Variants in LYST observed in about 807,000 individuals in gnomAD.
LYST encodes lysosomal trafficking regulator, also known as lysosomal-trafficking regulator.
In LYST, 192 loss-of-function variants were observed where a neutral mutation model predicts 413.6. That is an observed-to-expected ratio of 0.46 (90% CI 0.41 to 0.52). The LOEUF (loss-of-function observed/expected upper bound fraction) is 0.52. LYST is among the 20% of genes least tolerant of loss of function. LYST has a pLI of 0.00. For missense variants in LYST, 3,815 were observed against 4,499.9 expected (o/e 0.85, Z 4.35); for synonymous variants, 1,525 against 1,567.3 (o/e 0.97, Z 0.64).
chr1:235,852,487 G>T (rs867461122), intron 1 of LYST, among the ~76,000 whole-genome samples: 6 of 152,166 alleles, frequency 3.9e-5, no homozygotes, highest in Non-Finnish European at 8.8e-5. Context: ...TTTTCCCGGG[G>T]AAGTCTCACA....
intron 20 of LYST, among the ~76,000 whole-genome samples, chr1:235,768,951 T>C (rs193056122): frequency 1.6e-4 from 24 of 152,232 alleles, no homozygotes; most frequent in African/African-American, 5.8e-4. Flanking sequence ...TTTTTGGAAT[T>C]CATTCATTTA....
At chr1:235,796,968 C>CAT (rs1209179469) in intron 10 of LYST, among the ~76,000 whole-genome samples, 1 of 152,068 alleles carries the variant, frequency 6.6e-6, no homozygotes, top group Admixed American at 6.6e-5. Flanking sequence ...ATTAAAAAGG[C>CAT]ATATAATAAC....
chr1:235,877,704 C>T (rs1681202006), intron 1 of LYST, among the ~76,000 whole-genome samples: 1 of 152,188 alleles, frequency 6.6e-6, no homozygotes, highest in Non-Finnish European at 1.5e-5. Context: ...CCGCGCCTGG[C>T]CGGTCAACTT....
At chr1:235,796,469 A>C (rs898927478) in intron 10 of LYST, among the ~76,000 whole-genome samples, 8 of 152,256 alleles carry the variant, frequency 5.3e-5, no homozygotes, top group African/African-American at 1.9e-4. Context: ...GGATTTGGAT[A>C]GGCATTTCTC....
intron 22 of LYST, among the ~76,000 whole-genome samples, chr1:235,761,194 A>G (rs910756783): frequency 6.6e-6 from 1 of 152,216 alleles, no homozygotes; most frequent in Admixed American, 6.5e-5. Context: ...AATAACTGAA[A>G]CACTTTGGCA....
chr1:235,845,311 G>C (rs1349227228), intron 1 of LYST, among the ~76,000 whole-genome samples: 3 of 152,168 alleles, frequency 2.0e-5, no homozygotes. Flanking sequence ...TACAGGGGTA[G>C]AGAATGCAGC....
In LYST at chr1:235,828,969, C is replaced by T. The variant is rs1027039530; in HGVS notation, c.192+1257G>A. 4.6e-4 allele frequency: 140 copies of T among 305,820 alleles called. 1 individual carries two copies. The highest frequency in any genetic ancestry group is 2.9e-3 in the African/African-American group (130 of 44,220). The allele number at this position is 305,820 out of a possible 1,614,324, so 18.9% of individuals were successfully genotyped here. ...CCTGTAATCCCAGCACTTTGGGAGG[C>T]CAACGGGGGTAGACTGCTTGAGGTC... On this transcript the variant is annotated intron_variant, in intron 3 of 52. Transcript: ENST00000389793.
Position 235,746,452 on chromosome 1 carries a change from T to C in LYST, c.7856A>G (p.His2619Arg), listed in dbSNP as rs753997952. Residue 2619 changes from histidine to arginine, a missense_variant, in exon 29 of 53, where the codon CAT becomes CGT. Coordinates refer to ENST00000389793, the MANE Select transcript of LYST (RefSeq NM_000081.4). ...KMRSVANDEL[H>R]VMMQRRMSQE... ...GCTCATTCTCCGTTGCATCATCACA[T>C]GAAGCTCATCATTTGCCACTGAACG... 1.2e-6 allele frequency: 2 copies of C among 1,613,940 alleles called. No individual in the cohort carries two copies. Among genetic ancestry groups the C allele is most frequent in the Non-Finnish European group, 1.7e-6 (2 of 1,179,890 alleles).
Position 235,667,910 on chromosome 1 carries a change from C to G in LYST, c.11039-3289G>C, listed in dbSNP as rs191575440. Among the ~76,000 whole-genome samples the G allele has an allele frequency of 5.3e-5, 8 of 152,136 alleles. 1 individual carries two copies. The highest frequency in any genetic ancestry group is 1.9e-4 in the African/African-American group (8 of 41,428). Reference sequence around the variant, plus strand: ...ATCTCCTGATCTCGTGATCTACCCACCTCGGCCTCCCAAAGTGCAGGGATT... The same window carrying G: ...ATCTCCTGATCTCGTGATCTACCCAGCTCGGCCTCCCAAAGTGCAGGGATT... On this transcript the variant is annotated intron_variant, in intron 50 of 52. Coordinates refer to ENST00000389793, the MANE Select transcript of LYST (RefSeq NM_000081.4).
chr1:235,664,005 T>C lies in LYST; in HGVS notation c.11246A>G (p.Lys3749Arg), dbSNP rs994219020. ...TTACCTGATGATGGGCTTATTTGAT[T>C]TGGGAAATGTAATTTCTCTCACAGG... The part of the protein sequence containing the change: ...LKPVREITFP[K>R]SNKPIISLTF... Residue 3749 changes from lysine to arginine, a missense_variant, in exon 52 of 53, where the codon AAA becomes AGA. Coordinates refer to ENST00000389793, the MANE Select transcript of LYST (RefSeq NM_000081.4). This position sits in a 1 kb window ranked among gnomAD's most constrained non-coding sequence, Gnocchi z 4.5. 6.2e-7 allele frequency: 1 copy of C among 1,613,078 alleles called. No homozygotes were observed. The highest frequency in any genetic ancestry group is 8.5e-7 in the Non-Finnish European group (1 of 1,178,990).
At chr1:235,771,228 C>T (rs1668634397) in intron 19 of LYST, among the ~76,000 whole-genome samples, 1 of 151,896 alleles carries the variant, frequency 6.6e-6, no homozygotes, top group East Asian at 1.9e-4. Flanking sequence ...AAAAGTAGTA[C>T]CAAGATAAAA....
chr1:235,706,298 T>G (rs77866548), intron 44 of LYST, among the ~76,000 whole-genome samples: 1 of 152,186 alleles, frequency 6.6e-6, no homozygotes, highest in Non-Finnish European at 1.5e-5. Context: ...GATTTTCACT[T>G]AGGAGTTACC....
Position 235,744,010 on chromosome 1 carries a change from G to A in LYST, c.8120C>T (p.Thr2707Ile), listed in dbSNP as rs1286097636. 1.3e-6 allele frequency: 2 copies of A among 1,513,866 alleles called. No homozygotes were observed. The highest frequency in any genetic ancestry group is 2.3e-5 in the South Asian group (2 of 88,888). 93.8% of individuals were successfully genotyped at this position (1,513,866 alleles called of 1,614,324 possible). ...TACTTTGAATCCTTCTACCAGATAT[G>A]TAAAAATTTCTTTCTGAAATGGATT... ...VFNPFQKEIF[T>I]YLVEGFKVSI... Residue 2707 changes from threonine to isoleucine, a missense_variant, in exon 30 of 53, where the codon ACA becomes ATA. This residue lies in a region of LYST where 771 missense variants were observed against 837.1 expected (regional missense o/e 0.92). Coordinates refer to ENST00000389793, the MANE Select transcript of LYST (RefSeq NM_000081.4).
intron 10 of LYST, among the ~76,000 whole-genome samples, chr1:235,798,222 G>C (rs1209317944): frequency 6.6e-6 from 1 of 152,044 alleles, no homozygotes; most frequent in Non-Finnish European, 1.5e-5. Context: ...TAACTATTAT[G>C]TAGTATTATC....
intron 1 of LYST, among the ~76,000 whole-genome samples, chr1:235,841,173 C>A (rs1218799372): frequency 6.6e-6 from 1 of 152,212 alleles, no homozygotes; most frequent in East Asian, 1.9e-4. Context: ...ACCTTCTCAA[C>A]AACTATCCTT....
intron 1 of LYST, among the ~76,000 whole-genome samples, chr1:235,880,110 G>T (rs10926960): frequency 0.86 from 131,074 of 152,264 alleles, 56,711 homozygotes; most frequent in East Asian, 1. Flanking sequence ...GCAACTACAT[G>T]CATAGCACTG....
intron 48 of LYST, among the ~76,000 whole-genome samples, chr1:235,679,244 T>C (rs1159089329): frequency 6.6e-6 from 1 of 152,110 alleles, no homozygotes; most frequent in African/African-American, 2.4e-5. Flanking sequence ...CCATTCTGGC[T>C]CTCAGATTGT....
chr1:235,777,800 C>T (rs891860367), intron 16 of LYST, among the ~76,000 whole-genome samples: 13 of 152,036 alleles, frequency 8.6e-5, no homozygotes, highest in Admixed American at 3.3e-4. Context: ...AGTCAGCACA[C>T]CTAACTAAAA....
At chr1:235,689,510 GGA>G (rs1660487097) in intron 47 of LYST, among the ~76,000 whole-genome samples, 1 of 152,176 alleles carries the variant, frequency 6.6e-6, no homozygotes, top group African/African-American at 2.4e-5. Context: ...TGTGTGGAAT[GGA>G]GAGATGGTGG....
Sources: allele counts gnomAD v4.1 joint callset (sites outside exome capture counted in the v4.1 genomes callset), GRCh38; gene constraint gnomAD v4.1.1; regional missense constraint gnomAD v4.1.1; non-coding constraint Gnocchi (gnomAD v3.1); transcripts MANE v1.5; gene names NCBI Gene and HGNC (gene_info 2026-07-23, HGNC 2026-07-21).